FLVCR2: variants seen among roughly 807,000 people sequenced by gnomAD.
The protein encoded by FLVCR2 is FLVCR choline and putative heme transporter 2.
In FLVCR2, 38 loss-of-function variants were observed where a neutral mutation model predicts 48.9. That is an observed-to-expected ratio of 0.78 (90% CI 0.60 to 1.02). The LOEUF (loss-of-function observed/expected upper bound fraction) is 1.02. FLVCR2 is among the 50% of genes least tolerant of loss of function. The pLI, the probability that FLVCR2 is intolerant of heterozygous loss-of-function variation, is 0.00. For missense variants in FLVCR2, 664 were observed against 663.3 expected (o/e 1.00, Z -0.01); for synonymous variants, 255 against 257.0 (o/e 0.99, Z 0.07).
intron 9 of FLVCR2, among the ~76,000 whole-genome samples, chr14:75,642,627 CT>C (rs1436456301): frequency 6.6e-6 from 1 of 152,044 alleles, no homozygotes; most frequent in African/African-American, 2.4e-5. Context: ...GTAATACATG[CT>C]CTTTGTAGAA....
chr14:75,638,269 C>T (rs1812499181), intron 5 of FLVCR2, among the ~76,000 whole-genome samples: 1 of 152,036 alleles, frequency 6.6e-6, no homozygotes, highest in South Asian at 2.1e-4. Flanking sequence ...AACCCCATCT[C>T]TACTAGAAAT....
chr14:75,627,091 G>A (rs964823807), intron 3 of FLVCR2, among the ~76,000 whole-genome samples: 1 of 151,808 alleles, frequency 6.6e-6, no homozygotes, highest in Non-Finnish European at 1.5e-5. Flanking sequence ...GGTCATCGAG[G>A]GGTCAAGCCT....
intron 1 of FLVCR2, among the ~76,000 whole-genome samples, chr14:75,580,944 A>G (rs911718458): frequency 1.3e-5 from 2 of 152,084 alleles, no homozygotes; most frequent in African/African-American, 4.8e-5. Context: ...GTCTTCTTAT[A>G]TTAATAAGAA....
chr14:75,633,067 G>A lies in FLVCR2; in HGVS notation c.953-562G>A, dbSNP rs1022055934. 1.3e-5 allele frequency: 9 copies of A among 670,546 alleles called. No homozygotes were observed. In the African/African-American group the frequency reaches 1.4e-4, roughly 11 times the overall value. 41.5% of individuals were successfully genotyped at this position (670,546 alleles called of 1,614,324 possible). ...AGGTGCTCCTTTGGTGAATGAATTGGTAAAGTAGGAGAGTCAACTGAATGC... is the reference window on the plus strand; with the variant it reads ...AGGTGCTCCTTTGGTGAATGAATTGATAAAGTAGGAGAGTCAACTGAATGC... On this transcript the variant is annotated intron_variant, in intron 3 of 9. Coordinates refer to ENST00000238667, the MANE Select transcript of FLVCR2 (RefSeq NM_017791.3).
chr14:75,578,981 T>A lies in FLVCR2; in HGVS notation c.9T>A (p.Asn3Lys), dbSNP rs1448734063. 1 of 1,614,038 alleles carries A rather than the reference T, an allele frequency of 6.2e-7. No homozygotes were observed. Among genetic ancestry groups the A allele is most frequent in the Admixed American group, 1.7e-5 (1 of 60,018 alleles). Residue 3 changes from asparagine to lysine, a missense_variant, in exon 1 of 10, where the codon AAT (asparagine) becomes AAA (lysine). Transcript: ENST00000238667. MV[N>K]EGPNQEESDD... ...CAGAGGAGACTGTGGCGATGGTGAA[T>A]GAAGGTCCCAACCAGGAAGAGAGCG... is the stretch of plus-strand genomic sequence containing the variant.
At chr14:75,612,727 C>T (rs1458181116) in intron 1 of FLVCR2, among the ~76,000 whole-genome samples, 1 of 152,136 alleles carries the variant, frequency 6.6e-6, no homozygotes, top group East Asian at 1.9e-4. Flanking sequence ...TGCAGTGTCT[C>T]TCAGCCCCAG....
chr14:75,596,261 T>C, intron 1 of FLVCR2: 1 of 558,532 alleles, frequency 1.8e-6, no homozygotes, highest in Non-Finnish European at 3.2e-6. Context: ...GTCTGCTTTC[T>C]AGCCTCCTAT....
At chr14:75,640,420 TG>T (rs1890283355) in intron 6 of FLVCR2, among the ~76,000 whole-genome samples, 1 of 151,970 alleles carries the variant, frequency 6.6e-6, no homozygotes. Context: ...TGTGTGTGTG[TG>T]TGTGTGTGTG....
intron 1 of FLVCR2, among the ~76,000 whole-genome samples, chr14:75,582,562 G>A (rs1028944536): frequency 6.6e-6 from 1 of 152,326 alleles, no homozygotes; most frequent in Admixed American, 6.5e-5. Context: ...ATGATGGCCA[G>A]CCTAAAACAG....
intron 1 of FLVCR2, among the ~76,000 whole-genome samples, chr14:75,602,244 C>T (rs1013598691): frequency 6.6e-6 from 1 of 152,208 alleles, no homozygotes; most frequent in African/African-American, 2.4e-5. Flanking sequence ...CCTCCCCTCC[C>T]TGGAGTGGGT....
At position 75,611,288 on chromosome 14, in the gene FLVCR2, G is replaced by A. The variant is rs1276236235; in HGVS notation, c.670-10791G>A. 2.6e-5 allele frequency among the ~76,000 whole-genome samples: 4 copies of A among 152,304 alleles called. No individual in the cohort carries two copies. The East Asian group carries it at 7.7e-4, about 29-fold the overall frequency. On this transcript the variant is annotated intron_variant, in intron 1 of 9. Coordinates refer to ENST00000238667, the MANE Select transcript of FLVCR2 (RefSeq NM_017791.3). ...CAGAATGGAGCATATGAGACTGGAGGGAGTGTCGGGTGTGAGGGCAGTCAC... is the reference window on the plus strand; with the variant it reads ...CAGAATGGAGCATATGAGACTGGAGAGAGTGTCGGGTGTGAGGGCAGTCAC...
rs1890311023 is a variant in FLVCR2 at position 75,641,680 on chromosome 14, G to T, written c.1454-163G>T. Among the ~76,000 whole-genome samples the T allele has an allele frequency of 3.3e-5, 5 of 152,150 alleles. No individual in the cohort carries two copies. In the South Asian group the frequency reaches 1.0e-3, roughly 32 times the overall value. ...CTGTCAGGGACGGCAGTGATCCTCG[G>T]GCTCTCTCAAATTGGCTGATGGTGC... On this transcript the variant is annotated intron_variant, in intron 8 of 9. Transcript: ENST00000238667.
chr14:75,642,787 T>A (rs1370802652), intron 9 of FLVCR2, among the ~76,000 whole-genome samples: 1 of 152,228 alleles, frequency 6.6e-6, no homozygotes, highest in Admixed American at 6.5e-5. Context: ...TGTATATAAA[T>A]GCATATTTTT....
chr14:75,592,317 C>G (rs1208642021), intron 1 of FLVCR2, among the ~76,000 whole-genome samples: 1 of 152,020 alleles, frequency 6.6e-6, no homozygotes, highest in Non-Finnish European at 1.5e-5. Context: ...GCTGCTCTGG[C>G]CAGAGCAGCT....
intron 5 of FLVCR2, among the ~76,000 whole-genome samples, chr14:75,639,103 C>T (rs1220078316): frequency 6.6e-6 from 1 of 152,142 alleles, no homozygotes; most frequent in Non-Finnish European, 1.5e-5. Flanking sequence ...CCCAGCTACT[C>T]AGCAGGCTGA....
intron 2 of FLVCR2, among the ~76,000 whole-genome samples, chr14:75,622,601 A>ACT (rs1889793951): frequency 6.6e-6 from 1 of 152,186 alleles, no homozygotes; most frequent in African/African-American, 2.4e-5. Flanking sequence ...GTGAGGCACC[A>ACT]CTATCAGTCC....
chr14:75,618,636 C>T (rs537534594), intron 1 of FLVCR2, among the ~76,000 whole-genome samples: 23 of 152,340 alleles, frequency 1.5e-4, no homozygotes, highest in African/African-American at 5.1e-4. Context: ...CCCGTTCTCC[C>T]ACATTTTAAA....
intron 5 of FLVCR2, 54 bp downstream of exon 5, chr14:75,635,067 C>T (rs1890132804): frequency 1.7e-6 from 2 of 1,178,310 alleles, no homozygotes; most frequent in Non-Finnish European, 2.5e-6. Flanking sequence ...TTTGAAATGA[C>T]ATATTCATAA....
intron 1 of FLVCR2, among the ~76,000 whole-genome samples, chr14:75,591,208 A>G (rs1555375263): frequency 6.6e-6 from 1 of 151,846 alleles, no homozygotes; most frequent in Non-Finnish European, 1.5e-5. Context: ...ACACCCAGTA[A>G]TTTTTGTATT....
Sources: gnomAD v4.1 joint callset for allele counts (sites outside exome capture counted in the v4.1 genomes callset) on GRCh38, gnomAD v4.1.1 for gene constraint, MANE v1.5 for transcripts, NCBI Gene and HGNC (gene_info 2026-07-23, HGNC 2026-07-21) for gene names.